The following HLX variants were observed in gnomAD, a reference collection of about 807,000 sequenced individuals.
HLX encodes the protein H2.0-like homeobox protein.
Under a neutral mutation model 27.7 loss-of-function variants are expected in HLX, and 6 were observed. The observed-to-expected ratio is 0.22, with a 90% CI of 0.12 to 0.43. The LOEUF (loss-of-function observed/expected upper bound fraction) is 0.43. HLX is among the 20% of genes least tolerant of loss of function. The pLI is 1.00. For synonymous variants in HLX, 328 were observed against 293.8 expected (o/e 1.12, Z -1.19); for missense variants, 666 against 655.2 (o/e 1.02, Z -0.18).
chr1:220,883,901 A>G, intron 3 of HLX: 1 of 490,278 alleles, frequency 2.0e-6, no homozygotes, highest in Non-Finnish European at 3.7e-6. Flanking sequence ...GGTCGGGTGC[A>G]GGAATCTGCC....
At chr1:220,881,886 G>T (rs1413796424) in intron 2 of HLX, 1 of 488,834 alleles carries the variant, frequency 2.0e-6, no homozygotes, top group African/African-American at 2.0e-5. Flanking sequence ...TAGGCCTGAT[G>T]GCCACGCATG....
intron 1 of HLX, 193 bp from the exon 2 acceptor site, chr1:220,881,001 G>C: frequency 1.6e-6 from 1 of 623,010 alleles, no homozygotes; most frequent in Non-Finnish European, 2.9e-6. Context: ...TGGACGTGAG[G>C]GACACACAGG....
rs988855857 is a variant in HLX, at chr1:220,879,538, G to C, written c.-320G>C. ...CTATTTGGGTTTTCTTGCGGTGTCCGGCTCCCGTCTCCCTGGCTCCCCCGC... is the reference window on the plus strand; with the variant it reads ...CTATTTGGGTTTTCTTGCGGTGTCCCGCTCCCGTCTCCCTGGCTCCCCCGC... On this transcript the variant is annotated 5_prime_UTR_variant, in exon 1 of 4. Coordinates refer to ENST00000366903, the MANE Select transcript of HLX (RefSeq NM_021958.4). 6.9e-6 allele frequency: 3 copies of C among 436,876 alleles called. No individual in the cohort carries two copies. Among genetic ancestry groups the C allele is most frequent in the African/African-American group, 2.1e-5 (1 of 47,866 alleles). 27.1% of individuals were successfully genotyped at this position (436,876 alleles called of 1,614,324 possible). A position where few individuals can be genotyped will look rare whatever the true frequency, so the allele number is the denominator to read the frequency against.
Position 220,884,297 on chromosome 1 carries a change from G to T in HLX, c.1060G>T (p.Gly354Ter). Reference protein sequence around the residue: ...DKEAGEKPSGGAPAADGEQDE... With the variant: ...DKEAGEKPSG ...GGAGGCTGGCGAGAAGCCATCAGGT[G>T]GAGCCCCGGCTGCGGATGGCGAGCA... Residue 354 changes from glycine to a stop codon, truncating the protein, a stop_gained, in exon 4 of 4, where the codon GGA (glycine) becomes TGA (stop). Coordinates refer to ENST00000366903, the MANE Select transcript of HLX (RefSeq NM_021958.4). LOFTEE classifies it low-confidence loss of function (END_TRUNC). This position sits in a 1 kb window ranked among gnomAD's most constrained non-coding sequence, Gnocchi z 4.9. The T allele has an allele frequency of 6.2e-7, 1 of 1,613,916 alleles. No individual in the cohort carries two copies. Among genetic ancestry groups the T allele is most frequent in the Non-Finnish European group, 8.5e-7 (1 of 1,179,882 alleles).
chr1:220,879,592 C>A lies in HLX; in HGVS notation c.-266C>A. 1 of 517,092 alleles carries A rather than the reference C, an allele frequency of 1.9e-6. No individual in the cohort carries two copies. The highest frequency in any genetic ancestry group is 3.3e-6 in the Non-Finnish European group (1 of 303,708). The allele number at this position is 517,092 out of a possible 1,614,324, so 32.0% of individuals were successfully genotyped here. On this transcript the variant is annotated 5_prime_UTR_variant, in exon 1 of 4. Transcript: ENST00000366903. ...CCCTGCGGCCCCAGCGCCCCTCGCT[C>A]TCATCCAGCCCGCGAGGAGTGCGGG...
At chr1:220,881,792 ACACACACACAC>A in intron 2 of HLX, 1 of 400,414 alleles carries the variant, frequency 2.5e-6, no homozygotes, top group Admixed American at 3.6e-5. Flanking sequence ...ACACACACAC[ACACACACACAC>A]ACACACACAC....
In HLX at chr1:220,884,276, G is replaced by A. The variant is rs868328166; in HGVS notation, c.1039G>A (p.Ala347Thr). ...GGCCCAAAAGGACAAGGACAAGGAG[G>A]CTGGCGAGAAGCCATCAGGTGGAGC... ...AQAQKDKDKE[A>T]GEKPSGGAPA... is the part of the protein sequence containing the mutation. The change falls in exon 4 of 4, where the codon GCT becomes ACT. Residue 347 changes from alanine to threonine, a missense_variant. Transcript: ENST00000366903. The surrounding 1 kb of genome is among the most constrained non-coding windows in gnomAD (Gnocchi z 4.9). 6.2e-7 allele frequency: 1 copy of A among 1,614,040 alleles called. No homozygotes were observed. Among genetic ancestry groups the A allele is most frequent in the South Asian group, 1.1e-5 (1 of 91,056 alleles).
In HLX at chr1:220,880,381, A is replaced by C. The variant is rs771667084; in HGVS notation, c.524A>C (p.Lys175Thr). 5.6e-6 allele frequency: 9 copies of C among 1,614,112 alleles called. 1 individual carries two copies. The South Asian group carries it at 9.9e-5, about 18-fold the overall frequency. Residue 175 changes from lysine to threonine, a missense_variant, in exon 1 of 4, where the codon AAA becomes ACA. Physicochemically the swap from Lys to Thr is moderately conservative, Grantham distance 78. Transcript: ENST00000366903. ...CCGGCCCCCTCCAGCAAAGACCTCA[A>C]ATTTGGAATTGACCGCATTTTATCT... is the stretch of plus-strand genomic sequence containing the variant. ...SAPAPSSKDL[K>T]FGIDRILSAE...
At position 220,882,158 on chromosome 1, in the gene HLX, C is replaced by T. The variant is rs781679767; in HGVS notation, c.773-6C>T. Reference sequence around the variant, plus strand: ...TTTCTTCCCTCTGGCTCCCGTTCTGCGGCAGGTCCCTATGCTGTGCTCACG... The same window carrying T: ...TTTCTTCCCTCTGGCTCCCGTTCTGTGGCAGGTCCCTATGCTGTGCTCACG... On this transcript the variant is annotated splice_region_variant and splice_polypyrimidine_tract_variant and intron_variant, in intron 2 of 3. Coordinates refer to ENST00000366903, the MANE Select transcript of HLX (RefSeq NM_021958.4). The T allele has an allele frequency of 2.7e-5, 43 of 1,613,658 alleles. No homozygotes were observed. The highest frequency in any genetic ancestry group is 3.3e-5 in the Non-Finnish European group (39 of 1,179,906).
In HLX at chr1:220,879,983, C is replaced by A; in HGVS notation, c.126C>A (p.Pro42=). 6.3e-7 allele frequency: 1 copy of A among 1,599,068 alleles called. No homozygotes were observed. Among genetic ancestry groups the A allele is most frequent in the African/African-American group, 1.3e-5 (1 of 74,952 alleles). ...FPLDPAAVKK[P]SFCIADILHA... is the part of the protein sequence containing the mutation. Reference sequence around the variant, plus strand: ...TGGACCCCGCCGCCGTCAAAAAGCCCTCCTTCTGCATCGCAGACATTCTGC... The same window carrying A: ...TGGACCCCGCCGCCGTCAAAAAGCCATCCTTCTGCATCGCAGACATTCTGC... The change falls in exon 1 of 4, where the codon CCC becomes CCA. Residue 42 remains proline (P), a synonymous_variant. Transcript: ENST00000366903.
chr1:220,880,648 C>A, intron 1 of HLX, 199 bp downstream of exon 1: 1 of 617,496 alleles, frequency 1.6e-6, no homozygotes, highest in Non-Finnish European at 2.9e-6. Context: ...CAAAAAATGA[C>A]TCCAGGGATT....
chr1:220,879,927 TC>T lies in HLX; in HGVS notation c.71del (p.Ser24TrpfsTer173). 6 of 1,597,598 alleles carry T rather than the reference TC, an allele frequency of 3.8e-6. No homozygotes were observed. Among genetic ancestry groups the T allele is most frequent in the Non-Finnish European group, 4.2e-6 (5 of 1,177,968 alleles). On this transcript the variant is annotated frameshift_variant, in exon 1 of 4. Transcript: ENST00000366903. LOFTEE classifies it high-confidence loss of function. ...FSLWSAAYCS[S>X]AGPGGCSFPL... Reference sequence around the variant, plus strand: ...CCTCTGGTCGGCCGCTTACTGCTCCTCGGCCGGCCCAGGCGGCTGCTCCTTC... The same window carrying T: ...CCTCTGGTCGGCCGCTTACTGCTCCTGGCCGGCCCAGGCGGCTGCTCCTTC...
Position 220,879,544 on chromosome 1 carries a change from C to A in HLX, c.-314C>A, listed in dbSNP as rs911998597. 9 of 452,848 alleles carry A rather than the reference C, an allele frequency of 2.0e-5. No homozygotes were observed. Among genetic ancestry groups the A allele is most frequent in the African/African-American group, 4.1e-5 (2 of 48,216 alleles). The allele number at this position is 452,848 out of a possible 1,614,324, so 28.1% of individuals were successfully genotyped here. A position where few individuals can be genotyped will look rare whatever the true frequency, so the allele number is the denominator to read the frequency against. ...GGGTTTTCTTGCGGTGTCCGGCTCC[C>A]GTCTCCCTGGCTCCCCCGCCCGCCC... On this transcript the variant is annotated 5_prime_UTR_variant, in exon 1 of 4. Coordinates refer to ENST00000366903, the MANE Select transcript of HLX (RefSeq NM_021958.4).
Position 220,884,924 on chromosome 1 carries a change from T to G in HLX, c.*220T>G. 1 of 687,294 alleles carries G rather than the reference T, an allele frequency of 1.5e-6. No homozygotes were observed. Among genetic ancestry groups the G allele is most frequent in the Non-Finnish European group, 2.4e-6 (1 of 421,750 alleles). The allele number at this position is 687,294 out of a possible 1,614,324, so 42.6% of individuals were successfully genotyped here. A position where few individuals can be genotyped will look rare whatever the true frequency, so the allele number is the denominator to read the frequency against. On this transcript the variant is annotated 3_prime_UTR_variant, in exon 4 of 4. Transcript: ENST00000366903. This position sits in a 1 kb window ranked among gnomAD's most constrained non-coding sequence, Gnocchi z 4.9. ...AGTGTCCTGCTAGCCAGCCGAACAC[T>G]TCTCTCCGGAAGCAGGCTGGTTCGA...
rs940491264 is a variant in HLX at position 220,879,726 on chromosome 1, G to A, written c.-132G>A. 1 of 1,367,804 alleles carries A rather than the reference G, an allele frequency of 7.3e-7. No homozygotes were observed. The highest frequency in any genetic ancestry group is 1.5e-5 in the African/African-American group (1 of 65,356). 84.7% of individuals were successfully genotyped at this position (1,367,804 alleles called of 1,614,324 possible). A position where few individuals can be genotyped will look rare whatever the true frequency, so the allele number is the denominator to read the frequency against. ...TAGGGCTCCCGGCCTCTCTTCCTCA[G>A]TGCGGGCGGAGAAGCGAAAGCGGAT... On this transcript the variant is annotated 5_prime_UTR_variant, in exon 1 of 4. In the 5' UTR this introduces an upstream ATG that the reference lacks. Coordinates refer to ENST00000366903, the MANE Select transcript of HLX (RefSeq NM_021958.4).
rs1001151255 is a variant in HLX at position 220,879,804 on chromosome 1, C to T, written c.-54C>T. 46 of 1,494,432 alleles carry T rather than the reference C, an allele frequency of 3.1e-5. No homozygotes were observed. The highest frequency in any genetic ancestry group is 4.0e-5 in the Non-Finnish European group (45 of 1,130,872). The allele number at this position is 1,494,432 out of a possible 1,614,324, so 92.6% of individuals were successfully genotyped here. A position where few individuals can be genotyped will look rare whatever the true frequency, so the allele number is the denominator to read the frequency against. ...GGACTCGCGCGCCCCTCCCCGCGCGCCCACCCACCCAGTCCGGCTGGACTG... is the reference window on the plus strand; with the variant it reads ...GGACTCGCGCGCCCCTCCCCGCGCGTCCACCCACCCAGTCCGGCTGGACTG... On this transcript the variant is annotated 5_prime_UTR_variant, in exon 1 of 4. Transcript: ENST00000366903.
Position 220,884,445 on chromosome 1 carries a change from A to G in HLX, c.1208A>G (p.Gln403Arg). The G allele has an allele frequency of 1.2e-6, 2 of 1,614,082 alleles. No individual in the cohort carries two copies. Among genetic ancestry groups the G allele is most frequent in the Non-Finnish European group, 1.7e-6 (2 of 1,180,010 alleles). Reference protein sequence around the residue: ...RTEGSERSLHQTTVIKAPVTG... With the variant: ...RTEGSERSLHRTTVIKAPVTG... Reference sequence around the variant, plus strand: ...GAGGGGAGTGAGCGTTCTCTGCACCAAACAACAGTTATTAAGGCCCCGGTC... The same window carrying G: ...GAGGGGAGTGAGCGTTCTCTGCACCGAACAACAGTTATTAAGGCCCCGGTC... The change falls in exon 4 of 4, where the codon CAA becomes CGA. Residue 403 changes from glutamine to arginine, a missense_variant. By Grantham distance (43) the Gln-to-Arg change is conservative. Transcript: ENST00000366903. This position sits in a 1 kb window ranked among gnomAD's most constrained non-coding sequence, Gnocchi z 4.9.
Position 220,880,273 on chromosome 1 carries a change from C to T in HLX, c.416C>T (p.Pro139Leu), listed in dbSNP as rs1364361310. 4 of 1,613,362 alleles carry T rather than the reference C, an allele frequency of 2.5e-6. No homozygotes were observed. Among genetic ancestry groups the T allele is most frequent in the African/African-American group, 1.3e-5 (1 of 75,042 alleles). The part of the protein sequence containing the change: ...QQQQPQQQQP[P>L]PPPRAGALQP... ...CAACAGCCGCAGCAGCAACAGCCTC[C>T]GCCTCCGCCCCGGGCTGGCGCCCTG... Residue 139 changes from proline to leucine, a missense_variant, in exon 1 of 4, where the codon CCG (proline) becomes CTG (leucine). Pro to Leu is a moderately conservative substitution (Grantham distance 98). Transcript: ENST00000366903.
chr1:220,881,515 A>C (rs929083887), intron 2 of HLX, 142 bp downstream of exon 2: 3 of 781,810 alleles, frequency 3.8e-6, no homozygotes, highest in African/African-American at 3.4e-5. Context: ...AGAGAAACCG[A>C]AAGATTTCTC....
Sources: gnomAD v4.1 joint callset for allele counts on GRCh38, gnomAD v4.1.1 for gene constraint, Gnocchi (gnomAD v3.1) non-coding constraint, MANE v1.5 for transcripts, NCBI Gene and HGNC (gene_info 2026-07-23, HGNC 2026-07-21) for gene names.